The following SEMA3A variants were observed in gnomAD, a reference collection of about 807,000 sequenced individuals.
SEMA3A encodes semaphorin 3A.
Under a neutral mutation model 97.9 loss-of-function variants are expected in SEMA3A, and 29 were observed. The observed-to-expected ratio is 0.30, with a 90% CI of 0.22 to 0.40. The LOEUF (loss-of-function observed/expected upper bound fraction) is 0.40. SEMA3A is among the 10% of genes least tolerant of loss of function. The pLI, the probability that SEMA3A is intolerant of heterozygous loss-of-function variation, is 1.00. For missense variants in SEMA3A, 763 were observed against 951.3 expected (o/e 0.80, Z 2.60); for synonymous variants, 321 against 323.7 (o/e 0.99, Z 0.09).
chr7:84,157,596 A>G (rs1796884727), intron 1 of SEMA3A, among the ~76,000 whole-genome samples: 1 of 152,204 alleles, frequency 6.6e-6, no homozygotes, highest in Non-Finnish European at 1.5e-5. Context: ...AGTTCAAGCG[A>G]TTTTAATATT....
chr7:84,153,157 T>G (rs1047693312), intron 1 of SEMA3A, among the ~76,000 whole-genome samples: 1 of 152,158 alleles, frequency 6.6e-6, no homozygotes, highest in African/African-American at 2.4e-5. Flanking sequence ...CAGCCCTGCT[T>G]TGCCACTTCA....
chr7:84,424,786 T>C (rs1804731745), intron 1 of SEMA3A, among the ~76,000 whole-genome samples: 1 of 101,462 alleles, frequency 9.9e-6, no homozygotes, highest in Non-Finnish European at 1.7e-5. Context: ...ATAATATTTA[T>C]ATATAAATAA....
At chr7:83,974,979 G>A (rs1789083385) in intron 15 of SEMA3A, among the ~76,000 whole-genome samples, 1 of 152,032 alleles carries the variant, frequency 6.6e-6, no homozygotes, top group African/African-American at 2.4e-5. Context: ...GTAAGAATCA[G>A]GAGGTAAATT....
chr7:84,430,099 G>A (rs186024885), intron 1 of SEMA3A, among the ~76,000 whole-genome samples: 9 of 151,964 alleles, frequency 5.9e-5, no homozygotes, highest in East Asian at 5.8e-4. Context: ...AAACCCAATC[G>A]GGGAAGCTGT....
chr7:84,144,663 A>C (rs1796412037), intron 1 of SEMA3A, among the ~76,000 whole-genome samples: 1 of 152,168 alleles, frequency 6.6e-6, no homozygotes, highest in Non-Finnish European at 1.5e-5. Context: ...CAATTCACAC[A>C]AATAAGCAAG....
chr7:84,298,584 A>C (rs1456242567), intron 3 of SEMA3A, among the ~76,000 whole-genome samples: 1 of 152,204 alleles, frequency 6.6e-6, no homozygotes, highest in Non-Finnish European at 1.5e-5. Flanking sequence ...CTCTACCAGA[A>C]GAAGAGATGA....
In SEMA3A at chr7:83,981,489, A is replaced by C; in HGVS notation, c.1495-11T>G. 3 of 1,574,742 alleles carry C rather than the reference A, an allele frequency of 1.9e-6. No individual in the cohort carries two copies. The highest frequency in any genetic ancestry group is 2.6e-6 in the Non-Finnish European group (3 of 1,161,630). ...AATATATAGTTGTTGCTGTGGAAAG[A>C]GTTTACTGCTGTGACAAAAACTATC... is the stretch of plus-strand genomic sequence containing the variant. On this transcript the variant is annotated splice_polypyrimidine_tract_variant and intron_variant, in intron 13 of 16. Coordinates refer to ENST00000265362, the MANE Select transcript of SEMA3A (RefSeq NM_006080.3).
intron 2 of SEMA3A, among the ~76,000 whole-genome samples, chr7:84,370,200 G>A (rs1802941303): frequency 6.6e-6 from 1 of 151,486 alleles, no homozygotes; most frequent in Non-Finnish European, 1.5e-5. Flanking sequence ...AGCAATTGCT[G>A]GTTTTGAGTA....
intron 1 of SEMA3A, among the ~76,000 whole-genome samples, chr7:84,376,850 TTATG>T (rs144265483): frequency 4.4e-4 from 66 of 151,380 alleles, no homozygotes; most frequent in African/African-American, 1.0e-3. Context: ...AGATTTATTT[TTATG>T]TATGTATGTA....
rs1430274856 is a variant in SEMA3A at position 84,461,004 on chromosome 7, T to G, written c.-246+31456A>C. 3.3e-5 allele frequency among the ~76,000 whole-genome samples: 5 copies of G among 152,326 alleles called. No individual in the cohort carries two copies. In the South Asian group the frequency reaches 6.2e-4, roughly 19 times the overall value. On this transcript the variant is annotated intron_variant, in intron 1 of 3. Transcript: ENST00000424555. ...AAAACATGCAGTTGAACAGCAGGGTTATTTATTCCAATACTTTTAAAATAC... is the reference window on the plus strand; with the variant it reads ...AAAACATGCAGTTGAACAGCAGGGTGATTTATTCCAATACTTTTAAAATAC...
At chr7:84,488,020 T>A (rs1246674426) in intron 1 of SEMA3A, among the ~76,000 whole-genome samples, 1 of 152,054 alleles carries the variant, frequency 6.6e-6, no homozygotes, top group African/African-American at 2.4e-5. Flanking sequence ...TATGTGTTGG[T>A]TTAATAATTA....
chr7:84,399,947 A>G (rs182649293), intron 1 of SEMA3A, among the ~76,000 whole-genome samples: 54 of 152,288 alleles, frequency 3.5e-4, no homozygotes, highest in African/African-American at 1.3e-3. Flanking sequence ...TCTTTCTACT[A>G]GAATAAAGAG....
At chr7:84,363,906 G>A (rs1302931346) in intron 2 of SEMA3A, among the ~76,000 whole-genome samples, 1 of 151,696 alleles carries the variant, frequency 6.6e-6, no homozygotes, top group Non-Finnish European at 1.5e-5. Context: ...TCTTGTGAGT[G>A]TACTGTGCAG....
chr7:84,369,091 C>A (rs570943141), intron 2 of SEMA3A, among the ~76,000 whole-genome samples: 3 of 150,876 alleles, frequency 2.0e-5, no homozygotes, highest in East Asian at 3.9e-4. Flanking sequence ...AACTGAATCC[C>A]AGTGGAAATC....
At chr7:84,146,318 T>A (rs1796461769) in intron 1 of SEMA3A, among the ~76,000 whole-genome samples, 1 of 152,168 alleles carries the variant, frequency 6.6e-6, no homozygotes, top group Admixed American at 6.5e-5. Context: ...GAAGTCTGAC[T>A]ACTTGCATTT....
chr7:84,405,921 C>T (rs1271022363), intron 1 of SEMA3A, among the ~76,000 whole-genome samples: 1 of 152,088 alleles, frequency 6.6e-6, no homozygotes, highest in Non-Finnish European at 1.5e-5. Context: ...AAATTTATAG[C>T]ACTAAATGGC....
intron 3 of SEMA3A, among the ~76,000 whole-genome samples, chr7:84,240,611 C>G (rs1010427886): frequency 6.6e-6 from 1 of 152,118 alleles, no homozygotes; most frequent in Admixed American, 6.6e-5. Flanking sequence ...ACAGCTAACA[C>G]ATTGATTGGA....
At chr7:84,139,155 T>C (rs1796226625) in intron 1 of SEMA3A, among the ~76,000 whole-genome samples, 1 of 152,134 alleles carries the variant, frequency 6.6e-6, no homozygotes, top group African/African-American at 2.4e-5. Context: ...ATGTGTGTTA[T>C]TCTTCCACCT....
intron 2 of SEMA3A, among the ~76,000 whole-genome samples, chr7:84,370,194 A>G (rs953786225): frequency 2.0e-5 from 3 of 151,554 alleles, no homozygotes; most frequent in African/African-American, 7.3e-5. Flanking sequence ...AAAGGAAGCA[A>G]TTGCTGGTTT....
Sources: allele counts gnomAD v4.1 joint callset (sites outside exome capture counted in the v4.1 genomes callset), GRCh38; gene constraint gnomAD v4.1.1; transcripts MANE v1.5; gene names NCBI Gene and HGNC (gene_info 2026-07-23, HGNC 2026-07-21).